POU2F3: variants seen among roughly 807,000 people sequenced by gnomAD.
POU2F3 encodes POU class 2 homeobox 3.
POU2F3 carries 23 observed loss-of-function variants against 59.2 expected under a neutral mutation model. The ratio of observed to expected loss-of-function variants is 0.39; its 90% CI spans 0.28 to 0.55. POU2F3 has a LOEUF of 0.55. POU2F3 is among the 20% of genes least tolerant of loss of function. POU2F3 has a pLI of 0.66. For synonymous variants in POU2F3, 190 were observed against 214.6 expected, an observed-to-expected ratio of 0.89 and a Z score of 1.00; for missense variants, 473 against 544.5, an observed-to-expected ratio of 0.87 and a Z score of 1.31.
rs1339981464 is a variant in POU2F3 at position 120,316,875 on chromosome 11, C to T, written c.1136-354C>T. On this transcript the variant is annotated intron_variant, in intron 11 of 12. Transcript: ENST00000543440. ...CTTTCCTCCTCTCTTCCTTCTTGTT[C>T]TTTTTCTCCTACCGCCTCTTGGTCT... Among the ~76,000 whole-genome samples the T allele has an allele frequency of 2.0e-5, 3 of 152,180 alleles. 1 individual carries two copies. The highest frequency in any genetic ancestry group is 2.0e-4 in the Admixed American group (3 of 15,276).
rs1941847196 is a variant in POU2F3, at chr11:120,318,589, T to C, written c.*197T>C. 5 of 579,836 alleles carry C rather than the reference T, an allele frequency of 8.6e-6. No individual in the cohort carries two copies. The highest frequency in any genetic ancestry group is 1.9e-5 in the African/African-American group (1 of 53,100). 35.9% of individuals were successfully genotyped at this position (579,836 alleles called of 1,614,324 possible). ...TGTGATTGAACCAAGTGCAGACTCC[T>C]AATGCTCTTGAAATACACAGCCCCT... On this transcript the variant is annotated 3_prime_UTR_variant, in exon 13 of 13. Coordinates refer to ENST00000543440, the MANE Select transcript of POU2F3 (RefSeq NM_014352.4).
At chr11:120,269,059 C>A in intron 2 of POU2F3, 151 bp from the exon 3 acceptor site, 1 of 566,634 alleles carries the variant, frequency 1.8e-6, no homozygotes, top group Non-Finnish European at 3.1e-6. Flanking sequence ...TTCCAGGAAA[C>A]AGGTCGAGGA....
At chr11:120,261,515 G>T (rs571223304) in intron 2 of POU2F3, among the ~76,000 whole-genome samples, 2 of 152,238 alleles carry the variant, frequency 1.3e-5, no homozygotes, top group East Asian at 1.9e-4. Flanking sequence ...CCAGCTGTTG[G>T]CCCTTCCTAC....
intron 3 of POU2F3, among the ~76,000 whole-genome samples, chr11:120,297,283 C>T (rs1013028807): frequency 2.0e-5 from 3 of 152,210 alleles, no homozygotes; most frequent in Non-Finnish European, 4.4e-5. Context: ...GCACTTCCTG[C>T]CCTGCCCTGG....
At chr11:120,310,704 T>A (rs933255003) in intron 10 of POU2F3, among the ~76,000 whole-genome samples, 6 of 152,096 alleles carry the variant, frequency 3.9e-5, no homozygotes, top group African/African-American at 1.4e-4. Flanking sequence ...ATGGGTGAAA[T>A]GCAGCCTTCT....
At chr11:120,246,422 T>C in intron 1 of POU2F3, 27 bp from the exon 2 acceptor site, 2 of 1,612,678 alleles carry the variant, frequency 1.2e-6, no homozygotes, top group South Asian at 1.1e-5. Flanking sequence ...TGACCTGTTA[T>C]TAAAATCAGT....
At chr11:120,243,501 G>C (rs1168960403) in intron 1 of POU2F3, among the ~76,000 whole-genome samples, 1 of 152,170 alleles carries the variant, frequency 6.6e-6, no homozygotes, top group African/African-American at 2.4e-5. Context: ...GCTGGTGTCT[G>C]GGCTCTTTCA....
rs371931092 is a variant in POU2F3, at chr11:120,246,409, T to C, written c.29-40T>C. On this transcript the variant is annotated intron_variant, in intron 1 of 12. Transcript: ENST00000543440. The stretch of plus-strand genomic sequence containing the variant: ...GCCACATATGTCATAGCAAGAAAAA[T>C]TGTGACCTGTTATTAAAATCAGTTG... 4 of 1,604,552 alleles carry C rather than the reference T, an allele frequency of 2.5e-6. No homozygotes were observed. The African/African-American group carries it at 5.4e-5, about 21-fold the overall frequency.
At chr11:120,236,754 G>A (rs186357376), upstream of POU2F3, 10 of 1,418,164 alleles carry the variant, frequency 7.1e-6, no homozygotes, top group African/African-American at 2.8e-5. Flanking sequence ...TAACTGAAAT[G>A]ATCAGTGAGC....
chr11:120,260,039 C>T (rs1264381016), intron 2 of POU2F3, among the ~76,000 whole-genome samples: 1 of 152,214 alleles, frequency 6.6e-6, no homozygotes, highest in Non-Finnish European at 1.5e-5. Context: ...CAGCAAGGTG[C>T]TAGTGTCACT....
At chr11:120,302,037 G>A (rs1941362389) in intron 5 of POU2F3, 2 of 452,776 alleles carry the variant, frequency 4.4e-6, no homozygotes, top group South Asian at 3.4e-5. Flanking sequence ...AGGCGGGCAG[G>A]TGGAAGGACT....
At chr11:120,261,734 T>C (rs535964336) in intron 2 of POU2F3, among the ~76,000 whole-genome samples, 2 of 152,168 alleles carry the variant, frequency 1.3e-5, no homozygotes, top group Non-Finnish European at 2.9e-5. Context: ...AGTGACAAGA[T>C]TCTGGGAGGG....
At chr11:120,304,988 A>C (rs1395934928) in intron 6 of POU2F3, 42 bp from the exon 7 acceptor site, 25 of 914,330 alleles carry the variant, frequency 2.7e-5, no homozygotes, top group Non-Finnish European at 4.1e-5. Context: ...AATGTTATTT[A>C]TTGATCTTCG....
intron 10 of POU2F3, among the ~76,000 whole-genome samples, chr11:120,311,190 G>T (rs1341841984): frequency 1.3e-5 from 2 of 152,200 alleles, no homozygotes; most frequent in Non-Finnish European, 2.9e-5. Flanking sequence ...TGCAGGGATT[G>T]TACACAATGC....
At position 120,286,965 on chromosome 11, in the gene POU2F3, G is replaced by C. The variant is rs914815603; in HGVS notation, c.133-11300G>C. Among the ~76,000 whole-genome samples, 5 of 152,238 alleles carry C rather than the reference G, an allele frequency of 3.3e-5. No homozygotes were observed. The East Asian group carries it at 7.7e-4, about 24-fold the overall frequency. ...CACAGTGGACCACAAGCAGGGTCCT[G>C]TGGCATACCATTGGAGATGTCCCTC... On this transcript the variant is annotated intron_variant, in intron 3 of 12. Coordinates refer to ENST00000543440, the MANE Select transcript of POU2F3 (RefSeq NM_014352.4).
chr11:120,256,806 C>A (rs1375404053), intron 2 of POU2F3: 2 of 152,214 alleles, frequency 1.3e-5, no homozygotes, highest in African/African-American at 4.8e-5. Context: ...TCCAGAAGAT[C>A]TAAAAGTCTT....
upstream of POU2F3, among the ~76,000 whole-genome samples, chr11:120,239,617 G>C (rs1424294897): frequency 1.3e-5 from 2 of 152,228 alleles, no homozygotes; most frequent in African/African-American, 4.8e-5. Flanking sequence ...TGCCATGGGG[G>C]CTAGGTGAGC....
At chr11:120,294,739 C>A (rs1005003198) in intron 3 of POU2F3, among the ~76,000 whole-genome samples, 8 of 152,190 alleles carry the variant, frequency 5.3e-5, no homozygotes, top group Non-Finnish European at 5.9e-5. Context: ...TGTACCCTTC[C>A]TCCTTCCTGT....
intron 2 of POU2F3, among the ~76,000 whole-genome samples, chr11:120,251,000 C>A (rs1392552939): frequency 6.6e-6 from 1 of 152,024 alleles, no homozygotes; most frequent in African/African-American, 2.4e-5. Context: ...CAGGGTCTCA[C>A]TCTGTCACTT....
Sources: allele counts gnomAD v4.1 joint callset (sites outside exome capture counted in the v4.1 genomes callset), GRCh38; gene constraint gnomAD v4.1.1; transcripts MANE v1.5; gene names NCBI Gene and HGNC (gene_info 2026-07-23, HGNC 2026-07-21).